The following LRP1B variants were observed in gnomAD, a reference collection of about 807,000 sequenced individuals.
LRP1B encodes low-density lipoprotein receptor-related protein 1B.
Under a neutral mutation model 556.6 loss-of-function variants are expected in LRP1B, and 217 were observed. The observed-to-expected ratio is 0.39, with a 90% CI of 0.35 to 0.44. The LOEUF (loss-of-function observed/expected upper bound fraction) is 0.44. LRP1B is among the 20% of genes least tolerant of loss of function. The pLI is 1.00. For synonymous variants in LRP1B, 2,047 were observed against 1,865.8 expected (o/e 1.10, Z -2.50); for missense variants, 5,053 against 5,620.8 (o/e 0.90, Z 3.23).
intron 25 of LRP1B, among the ~76,000 whole-genome samples, chr2:140,872,904 AAT>A (rs201712662): frequency 0.03 from 4,556 of 152,110 alleles, 106 homozygotes; most frequent in Middle Eastern, 0.065. Flanking sequence ...CAGCAAGCAT[AAT>A]ATGTTTATGT....
chr2:141,991,084 C>T (rs1001505062), intron 1 of LRP1B, among the ~76,000 whole-genome samples: 6 of 151,928 alleles, frequency 3.9e-5, no homozygotes, highest in Admixed American at 3.9e-4. Context: ...ATTATTTGTT[C>T]ATTTGTATTC....
chr2:141,918,894 C>A (rs1250834052), intron 1 of LRP1B, among the ~76,000 whole-genome samples: 1 of 152,070 alleles, frequency 6.6e-6, no homozygotes, highest in African/African-American at 2.4e-5. Context: ...CAATAATGAT[C>A]AACTCTAATG....
intron 3 of LRP1B, among the ~76,000 whole-genome samples, chr2:141,339,690 A>G (rs1272807984): frequency 1.3e-5 from 2 of 152,222 alleles, no homozygotes; most frequent in African/African-American, 4.8e-5. Flanking sequence ...TGGTTTCAAC[A>G]TGAAGTCAAT....
chr2:141,733,218 A>G (rs1033736051), intron 2 of LRP1B, among the ~76,000 whole-genome samples: 2 of 152,106 alleles, frequency 1.3e-5, no homozygotes, highest in African/African-American at 4.8e-5. Flanking sequence ...GTTTTCTTCT[A>G]TGGCAAGAGA....
intron 17 of LRP1B, among the ~76,000 whole-genome samples, chr2:140,983,456 T>G (rs1017487585): frequency 1.3e-5 from 2 of 152,138 alleles, no homozygotes; most frequent in African/African-American, 4.8e-5. Context: ...TTTGTGAACT[T>G]GGGTACTAAT....
intron 2 of LRP1B, among the ~76,000 whole-genome samples, chr2:141,581,190 C>T (rs1686947917): frequency 1.3e-5 from 2 of 152,222 alleles, no homozygotes; most frequent in South Asian, 2.1e-4. Context: ...TCCACTAAAA[C>T]CTCTCAGTTA....
chr2:140,628,217 A>G (rs949394668), intron 41 of LRP1B, among the ~76,000 whole-genome samples: 13 of 152,118 alleles, frequency 8.5e-5, no homozygotes, highest in African/African-American at 2.4e-4. Flanking sequence ...CAAGTAAAAT[A>G]CTAGTCTCCA....
At chr2:141,043,037 CAAA>C (rs57176510) in intron 11 of LRP1B, among the ~76,000 whole-genome samples, 2 of 122,070 alleles carry the variant, frequency 1.6e-5, no homozygotes, top group Non-Finnish European at 3.3e-5. Flanking sequence ...ACAAAAAATA[CAAA>C]AAAAAAAAAA....
intron 2 of LRP1B, among the ~76,000 whole-genome samples, chr2:141,488,037 T>C (rs1413531041): frequency 1.3e-5 from 2 of 152,172 alleles, no homozygotes; most frequent in Non-Finnish European, 2.9e-5. Flanking sequence ...GTGGATGTCA[T>C]TGCTCTCATT....
chr2:141,966,157 T>C (rs1701560440), intron 1 of LRP1B, among the ~76,000 whole-genome samples: 3 of 151,856 alleles, frequency 2.0e-5, no homozygotes, highest in Admixed American at 2.0e-4. Context: ...TTTTATTCAG[T>C]GACTATTTGA....
intron 3 of LRP1B, among the ~76,000 whole-genome samples, chr2:141,351,073 A>G (rs1390945362): frequency 1.3e-5 from 2 of 152,024 alleles, no homozygotes; most frequent in African/African-American, 4.8e-5. Flanking sequence ...ATCCATTTTT[A>G]TGGCTACTTT....
chr2:141,912,969 AC>A (rs1338934862), intron 1 of LRP1B, among the ~76,000 whole-genome samples: 1 of 152,178 alleles, frequency 6.6e-6, no homozygotes, highest in Non-Finnish European at 1.5e-5. Context: ...GTCATGGAGA[AC>A]TTGTATTAAA....
intron 66 of LRP1B, among the ~76,000 whole-genome samples, chr2:140,420,672 A>G (rs934731333): frequency 3.9e-5 from 6 of 152,244 alleles, no homozygotes; most frequent in East Asian, 3.9e-4. Flanking sequence ...CTTCTTAGCC[A>G]TATAAAAGAA....
chr2:141,238,150 G>A (rs551702216), intron 5 of LRP1B, among the ~76,000 whole-genome samples: 1 of 152,086 alleles, frequency 6.6e-6, no homozygotes, highest in Non-Finnish European at 1.5e-5. Flanking sequence ...ATTAGAACTA[G>A]CAGACAGTCC....
intron 49 of LRP1B, among the ~76,000 whole-genome samples, chr2:140,523,451 A>G (rs766560245): frequency 1.3e-5 from 2 of 151,958 alleles, no homozygotes; most frequent in Non-Finnish European, 2.9e-5. Context: ...AGCTGGAATC[A>G]TTCATTGCCC....
intron 2 of LRP1B, among the ~76,000 whole-genome samples, chr2:141,588,170 C>T (rs1687206603): frequency 6.6e-6 from 1 of 152,058 alleles, no homozygotes; most frequent in Non-Finnish European, 1.5e-5. Flanking sequence ...CCAAACACTG[C>T]AATGTGTCCA....
chr2:140,377,914 AG>A (rs1683305270), intron 68 of LRP1B, among the ~76,000 whole-genome samples: 1 of 152,218 alleles, frequency 6.6e-6, no homozygotes, highest in South Asian at 2.1e-4. Context: ...TATAGGGAAT[AG>A]GGTTTCCAAA....
intron 2 of LRP1B, among the ~76,000 whole-genome samples, chr2:141,774,147 G>A (rs944327047): frequency 1.3e-5 from 2 of 152,146 alleles, no homozygotes; most frequent in African/African-American, 4.8e-5. Flanking sequence ...TTGCTCATGA[G>A]GATGAAAGGG....
In LRP1B at chr2:140,613,370, AAT is replaced by A. The variant is rs796568812; in HGVS notation, c.6800-11733_6800-11732del. On this transcript the variant is annotated intron_variant, in intron 41 of 90. Transcript: ENST00000389484. ...AAATATAAATAATTATATAAATATAAATATATATAATTATATACATATAAATA... is the reference window on the plus strand; with the variant it reads ...AAATATAAATAATTATATAAATATAAATATATAATTATATACATATAAATA... 3.5e-5 allele frequency among the ~76,000 whole-genome samples: 3 copies of A among 84,732 alleles called. 1 individual carries two copies. In the East Asian group the frequency reaches 1.0e-3, roughly 29 times the overall value. The allele number at this position is 84,732 out of a possible 152,430, so 55.6% of individuals were successfully genotyped here. A position where few individuals can be genotyped will look rare whatever the true frequency, so the allele number is the denominator to read the frequency against.
Sources: allele counts gnomAD v4.1 joint callset (sites outside exome capture counted in the v4.1 genomes callset), GRCh38; gene constraint gnomAD v4.1.1; transcripts MANE v1.5; gene names NCBI Gene and HGNC (gene_info 2026-07-23, HGNC 2026-07-21).